C6: variants seen among roughly 807,000 people sequenced by gnomAD.
C6 encodes the protein complement C6.
Under a neutral mutation model 112.9 loss-of-function variants are expected in C6, and 101 were observed. The observed-to-expected ratio is 0.89, with a 90% CI of 0.76 to 1.06. The LOEUF (loss-of-function observed/expected upper bound fraction) is 1.06. Ranked by LOEUF, C6 falls within the 50% of genes least tolerant of loss-of-function variation. C6 has a pLI of 0.00. For missense variants in C6, 1,202 were observed against 1,104.6 expected, an observed-to-expected ratio of 1.09 and a Z score of -1.25; for synonymous variants, 431 against 384.1, an observed-to-expected ratio of 1.12 and a Z score of -1.43.
chr5:41,180,882 A>G (rs1749274081), intron 7 of C6, among the ~76,000 whole-genome samples: 1 of 151,792 alleles, frequency 6.6e-6, no homozygotes, highest in South Asian at 2.1e-4. Flanking sequence ...AAGAAAAGGA[A>G]TATAAGAGGA....
chr5:41,239,983 G>C (rs1053607714), intron 1 of C6, among the ~76,000 whole-genome samples: 1 of 152,008 alleles, frequency 6.6e-6, no homozygotes, highest in Non-Finnish European at 1.5e-5. Context: ...TTAGTCTGTG[G>C]GGGTTCTCTT....
In C6 at chr5:41,172,791, G is replaced by C. The variant is rs533075740; in HGVS notation, c.1169-444C>G. 6 of 184,030 alleles carry C rather than the reference G, an allele frequency of 3.3e-5. No individual in the cohort carries two copies. In the South Asian group the frequency reaches 7.0e-4, roughly 21 times the overall value. The allele number at this position is 184,030 out of a possible 1,614,324, so 11.4% of individuals were successfully genotyped here. A position where few individuals can be genotyped will look rare whatever the true frequency, so the allele number is the denominator to read the frequency against. On this transcript the variant is annotated intron_variant, in intron 8 of 17. Coordinates refer to ENST00000337836, the MANE Select transcript of C6 (RefSeq NM_000065.5). The stretch of plus-strand genomic sequence containing the variant: ...TTCTCTACTCCAAGACCTACTTTCC[G>C]GGCCACTGCTGATTCTGTGAGACCT...
intron 16 of C6, 23 bp from the exon 17 acceptor site, chr5:41,149,505 C>T: frequency 6.2e-7 from 1 of 1,613,270 alleles, no homozygotes; most frequent in Non-Finnish European, 8.5e-7. Flanking sequence ...GGAAAGCAAG[C>T]ATTTCTATAT....
At chr5:41,227,391 C>T (rs1274035486) in intron 1 of C6, among the ~76,000 whole-genome samples, 2 of 151,990 alleles carry the variant, frequency 1.3e-5, no homozygotes, top group African/African-American at 2.4e-5. Flanking sequence ...ATACTTTCTC[C>T]TATTCCGTAG....
intron 5 of C6, among the ~76,000 whole-genome samples, chr5:41,187,178 A>C (rs1303478559): frequency 6.6e-6 from 1 of 152,170 alleles, no homozygotes; most frequent in East Asian, 1.9e-4. Context: ...TCCATGTAGC[A>C]GAAGGAATAG....
intron 6 of C6, among the ~76,000 whole-genome samples, chr5:41,185,481 G>T (rs1227869979): frequency 1.3e-5 from 2 of 152,142 alleles, no homozygotes; most frequent in Non-Finnish European, 2.9e-5. Context: ...ACTCACTTTA[G>T]TGCAACGAGT....
intron 1 of C6, among the ~76,000 whole-genome samples, chr5:41,212,669 A>G (rs55638961): frequency 0.13 from 20,089 of 152,174 alleles, 1,551 homozygotes; most frequent in African/African-American, 0.22. Flanking sequence ...AGAGGAAGAT[A>G]GGAAAAAAGT....
Position 41,145,462 on chromosome 5 carries a change from T to C in C6, c.2624-2456A>G, listed in dbSNP as rs1304662344. Among the ~76,000 whole-genome samples, 4 of 152,174 alleles carry C rather than the reference T, an allele frequency of 2.6e-5. No homozygotes were observed. The South Asian group carries it at 6.2e-4, about 24-fold the overall frequency. On this transcript the variant is annotated intron_variant, in intron 17 of 17. Transcript: ENST00000337836. ...CAGGTATAAGTGTACAAAAAAGAAA[T>C]TTATTTAATGGATCTGGAATAATTC...
rs1381586850 is a variant in C6, at chr5:41,203,054, G to A, written c.143+34C>T. On this transcript the variant is annotated intron_variant, in intron 2 of 17. Transcript: ENST00000337836. ...CTGACTTCATCCTTGAGTCCTTCCA[G>A]GACACAAAGAAAAGCCACAAAGCTC... 3.7e-6 allele frequency: 6 copies of A among 1,611,734 alleles called. No homozygotes were observed. In the South Asian group the frequency reaches 4.4e-5, roughly 12 times the overall value.
At chr5:41,199,163 A>G (rs776777814) in intron 4 of C6, among the ~76,000 whole-genome samples, 4 of 152,186 alleles carry the variant, frequency 2.6e-5, no homozygotes, top group East Asian at 1.9e-4. Context: ...GAAATTTGCT[A>G]TCTAGTTATA....
At chr5:41,197,877 G>T (rs1013626374) in intron 4 of C6, among the ~76,000 whole-genome samples, 1 of 152,130 alleles carries the variant, frequency 6.6e-6, no homozygotes, top group African/African-American at 2.4e-5. Flanking sequence ...TTAAAGGACA[G>T]TTTGAATATT....
intron 7 of C6, 80 bp from the exon 8 acceptor site, chr5:41,176,795 A>C: frequency 7.7e-7 from 1 of 1,293,010 alleles, no homozygotes; most frequent in Non-Finnish European, 1.1e-6. Flanking sequence ...TCATTGATTT[A>C]TCATTAGTTT....
intron 1 of C6, among the ~76,000 whole-genome samples, chr5:41,248,411 T>C (rs1214030229): frequency 1.3e-5 from 2 of 152,190 alleles, no homozygotes; most frequent in Non-Finnish European, 2.9e-5. Flanking sequence ...AGTAAATATT[T>C]GCAAGCTATG....
chr5:41,144,169 G>T (rs1196063896), intron 17 of C6, among the ~76,000 whole-genome samples: 2 of 152,116 alleles, frequency 1.3e-5, no homozygotes, highest in Non-Finnish European at 1.5e-5. Flanking sequence ...AGACTGATGT[G>T]CTCTTTCCTA....
chr5:41,209,341 A>G (rs1167939941), intron 1 of C6, among the ~76,000 whole-genome samples: 2 of 152,174 alleles, frequency 1.3e-5, no homozygotes, highest in Admixed American at 6.5e-5. Flanking sequence ...CACCACCCCT[A>G]TTCAACATAG....
intron 9 of C6, among the ~76,000 whole-genome samples, chr5:41,167,314 G>A (rs757250104): frequency 1.3e-5 from 2 of 152,042 alleles, no homozygotes; most frequent in Non-Finnish European, 2.9e-5. Context: ...AATATCAAGA[G>A]CCACACATTT....
At chr5:41,176,454 G>A in intron 8 of C6, 21 bp downstream of exon 8, 1 of 1,611,700 alleles carries the variant, frequency 6.2e-7, no homozygotes, top group Non-Finnish European at 8.5e-7. Flanking sequence ...GTTAAAAAGA[G>A]TGAGGACTGA....
intron 1 of C6, among the ~76,000 whole-genome samples, chr5:41,205,281 G>T (rs577677168): frequency 1.3e-5 from 2 of 152,314 alleles, no homozygotes; most frequent in African/African-American, 2.4e-5. Context: ...AATAGGAAAA[G>T]TTCCAGTCTA....
At chr5:41,156,293 A>G (rs775818929) in intron 13 of C6, among the ~76,000 whole-genome samples, 1 of 152,120 alleles carries the variant, frequency 6.6e-6, no homozygotes, top group African/African-American at 2.4e-5. Context: ...CATCCTTTGC[A>G]AAAATCTTTG....
Sources: gnomAD v4.1 joint callset for allele counts (sites outside exome capture counted in the v4.1 genomes callset) on GRCh38, gnomAD v4.1.1 for gene constraint, MANE v1.5 for transcripts, NCBI Gene and HGNC (gene_info 2026-07-23, HGNC 2026-07-21) for gene names.